The following MACROD2 variants were observed in gnomAD, a reference collection of about 807,000 sequenced individuals.
The protein encoded by MACROD2 is ADP-ribose glycohydrolase MACROD2.
MACROD2 carries 36 observed loss-of-function variants against 70.4 expected under a neutral mutation model. That is an observed-to-expected ratio of 0.51 (90% confidence interval 0.39 to 0.68). The LOEUF is 0.68. MACROD2 is among the 30% of genes least tolerant of loss of function. The pLI, the probability that MACROD2 is intolerant of heterozygous loss-of-function variation, is 0.00. For synonymous variants in MACROD2, 172 were observed against 178.8 expected, an observed-to-expected ratio of 0.96 and a Z score of 0.30; for missense variants, 496 against 538.4, an observed-to-expected ratio of 0.92 and a Z score of 0.78.
At chr20:14,559,420 A>T (rs939884491) in intron 4 of MACROD2, among the ~76,000 whole-genome samples, 1 of 151,742 alleles carries the variant, frequency 6.6e-6, no homozygotes, top group South Asian at 2.1e-4. Flanking sequence ...AGAACAAGTA[A>T]TCTCTAGAGT....
intron 8 of MACROD2, among the ~76,000 whole-genome samples, chr20:15,507,540 C>G (rs773294393): frequency 6.6e-6 from 1 of 150,538 alleles, no homozygotes; most frequent in Non-Finnish European, 1.5e-5. Flanking sequence ...TTCTTCCCCC[C>G]ACCAGCCCGC....
chr20:15,154,142 G>A (rs186600746), intron 5 of MACROD2, among the ~76,000 whole-genome samples: 12 of 152,294 alleles, frequency 7.9e-5, no homozygotes, highest in African/African-American at 2.9e-4. Flanking sequence ...GGTGAGTTCA[G>A]AAATTTCTAG....
At chr20:15,826,271 T>C (rs1015961646) in intron 8 of MACROD2, among the ~76,000 whole-genome samples, 16 of 152,160 alleles carry the variant, frequency 1.1e-4, no homozygotes, top group Admixed American at 4.6e-4. Context: ...ATTGTTGTTG[T>C]CTCTGATAAG....
At chr20:15,085,671 G>C (rs2075741436) in intron 5 of MACROD2, among the ~76,000 whole-genome samples, 1 of 151,866 alleles carries the variant, frequency 6.6e-6, no homozygotes, top group African/African-American at 2.4e-5. Flanking sequence ...CATAATACTT[G>C]TATATCCCTT....
At chr20:15,528,474 T>G (rs1328728799) in intron 8 of MACROD2, among the ~76,000 whole-genome samples, 1 of 152,174 alleles carries the variant, frequency 6.6e-6, no homozygotes, top group African/African-American at 2.4e-5. Flanking sequence ...ATTGGCTTCC[T>G]ACAATGCACA....
intron 3 of MACROD2, among the ~76,000 whole-genome samples, chr20:14,468,795 C>T (rs1406080899): frequency 6.6e-6 from 1 of 152,128 alleles, no homozygotes; most frequent in East Asian, 1.9e-4. Flanking sequence ...CAGGCGTGAG[C>T]TGTCACGCCC....
intron 2 of MACROD2, among the ~76,000 whole-genome samples, chr20:14,066,871 G>T (rs375328520): frequency 2.0e-5 from 3 of 148,270 alleles, no homozygotes; most frequent in Non-Finnish European, 4.4e-5. Context: ...GAGAGCAGTG[G>T]CGCCGTCTTG....
chr20:15,378,149 A>G (rs1055858276), intron 6 of MACROD2, among the ~76,000 whole-genome samples: 1 of 101,056 alleles, frequency 9.9e-6, no homozygotes, highest in Non-Finnish European at 1.8e-5. Flanking sequence ...AGAAAAAAAT[A>G]AAAGAAGAGA....
rs762551400 is a variant in MACROD2 at position 16,044,625 on chromosome 20, A to G, written c.1286A>G (p.Glu429Gly). Residue 429 changes from glutamate (E) to glycine (G), a missense_variant, in exon 17 of 18, where the codon GAA (glutamate) becomes GGA (glycine). Coordinates refer to ENST00000684519, the MANE Select transcript of MACROD2 (RefSeq NM_001351661.2). The stretch of plus-strand genomic sequence containing the variant: ...AATGACCCAACAGAGAGTCAACAAG[A>G]AGATCAACTAATAGGTAAGATGCCC... ...KVNDPTESQQEDQLIAGAQDE... is the reference protein window; with the variant it reads ...KVNDPTESQQGDQLIAGAQDE... 6.2e-7 allele frequency: 1 copy of G among 1,612,654 alleles called. No individual in the cohort carries two copies. The highest frequency in any genetic ancestry group is 1.3e-5 in the African/African-American group (1 of 74,804).
intron 3 of MACROD2, among the ~76,000 whole-genome samples, chr20:14,235,973 T>C (rs1221005071): frequency 1.3e-5 from 2 of 152,140 alleles, no homozygotes; most frequent in African/African-American, 2.4e-5. Context: ...ATGGACTAGT[T>C]GCCAGTTAAC....
At chr20:15,767,023 TCAAGG>T (rs1568549039) in intron 8 of MACROD2, among the ~76,000 whole-genome samples, 1 of 152,208 alleles carries the variant, frequency 6.6e-6, no homozygotes, top group Non-Finnish European at 1.5e-5. Context: ...AAGCTCAGAT[TCAAGG>T]AAGGAGCTCT....
chr20:14,429,355 A>G (rs1600229128), intron 3 of MACROD2, among the ~76,000 whole-genome samples: 2 of 152,280 alleles, frequency 1.3e-5, no homozygotes, highest in East Asian at 1.9e-4. Flanking sequence ...GTTAGGTAAA[A>G]GTTTTACACT....
At chr20:15,876,162 A>G (rs1235104180) in intron 9 of MACROD2, among the ~76,000 whole-genome samples, 1 of 143,714 alleles carries the variant, frequency 7.0e-6, no homozygotes, top group Non-Finnish European at 1.5e-5. Context: ...ATGTGCACAA[A>G]GTGCAGGTTT....
At chr20:15,499,210 A>G (rs74699861) in intron 7 of MACROD2, among the ~76,000 whole-genome samples, 7,495 of 152,292 alleles carry the variant, frequency 0.049, 284 homozygotes, top group Non-Finnish European at 0.07. Context: ...AACCTATGCA[A>G]CAAGACCTGA....
At chr20:14,209,466 A>C (rs967497975) in intron 3 of MACROD2, among the ~76,000 whole-genome samples, 13 of 152,216 alleles carry the variant, frequency 8.5e-5, no homozygotes, top group Non-Finnish European at 1.9e-4. Flanking sequence ...TGATGCTGGA[A>C]AAAAAATAAA....
At chr20:14,579,601 T>G (rs542487837) in intron 4 of MACROD2, among the ~76,000 whole-genome samples, 1 of 152,370 alleles carries the variant, frequency 6.6e-6, no homozygotes, top group African/African-American at 2.4e-5. Context: ...CATTTTGTTC[T>G]TAATAGAAAG....
chr20:15,246,872 A>G (rs1456261112), intron 6 of MACROD2, among the ~76,000 whole-genome samples: 1 of 152,228 alleles, frequency 6.6e-6, no homozygotes, highest in Non-Finnish European at 1.5e-5. Context: ...TCCATTTGCA[A>G]TAAAAAAGAA....
intron 5 of MACROD2, among the ~76,000 whole-genome samples, chr20:14,843,272 A>G (rs2073106178): frequency 6.6e-6 from 1 of 150,530 alleles, no homozygotes; most frequent in Admixed American, 6.7e-5. Context: ...CCTCTGAAGG[A>G]AATATTAGAG....
chr20:15,935,812 C>T (rs867984046), intron 11 of MACROD2, among the ~76,000 whole-genome samples: 4 of 152,146 alleles, frequency 2.6e-5, no homozygotes, highest in Middle Eastern at 3.4e-3. Context: ...AAACAATAAA[C>T]AAATAAAAAT....
Sources: allele counts gnomAD v4.1 joint callset (sites outside exome capture counted in the v4.1 genomes callset), GRCh38; gene constraint gnomAD v4.1.1; transcripts MANE v1.5; gene names NCBI Gene and HGNC (gene_info 2026-07-23, HGNC 2026-07-21).